The following MDGA2 variants were observed in gnomAD, a reference collection of about 807,000 sequenced individuals.
MDGA2 encodes the protein MAM domain containing glycosylphosphatidylinositol anchor 2.
In MDGA2, 40 loss-of-function variants were observed where a neutral mutation model predicts 117.8. The observed-to-expected ratio is 0.34, with a 90% CI of 0.26 to 0.44. The LOEUF (loss-of-function observed/expected upper bound fraction) is 0.44. Ranked by LOEUF, MDGA2 falls within the 20% of genes least tolerant of loss-of-function variation. The pLI, the probability that MDGA2 is intolerant of heterozygous loss-of-function variation, is 1.00. For synonymous variants in MDGA2, 452 were observed against 439.0 expected (o/e 1.03, Z -0.37); for missense variants, 1,123 against 1,250.6 (o/e 0.90, Z 1.54).
chr14:47,239,755 C>T (rs1391005013), intron 2 of MDGA2, among the ~76,000 whole-genome samples: 1 of 151,876 alleles, frequency 6.6e-6, no homozygotes, highest in Non-Finnish European at 1.5e-5. Context: ...TGAAAAGACA[C>T]TATTTTAATA....
At chr14:47,382,491 C>G (rs901476406) in intron 1 of MDGA2, among the ~76,000 whole-genome samples, 4 of 152,256 alleles carry the variant, frequency 2.6e-5, no homozygotes, top group Admixed American at 2.0e-4. Flanking sequence ...CTACAAATGA[C>G]TTAAACAAAT....
intron 1 of MDGA2, among the ~76,000 whole-genome samples, chr14:47,373,573 G>A (rs1441447266): frequency 1.3e-5 from 2 of 152,032 alleles, no homozygotes; most frequent in Non-Finnish European, 2.9e-5. Flanking sequence ...CATAGTATAT[G>A]GTTACGTTCA....
At chr14:47,185,692 T>G (rs1884884521) in intron 3 of MDGA2, among the ~76,000 whole-genome samples, 1 of 151,636 alleles carries the variant, frequency 6.6e-6, no homozygotes, top group South Asian at 2.1e-4. Flanking sequence ...ATAAAACTGG[T>G]TAACACCAAA....
At chr14:47,172,458 C>T (rs933419076) in intron 3 of MDGA2, among the ~76,000 whole-genome samples, 27 of 151,992 alleles carry the variant, frequency 1.8e-4, no homozygotes, top group Non-Finnish European at 2.9e-4. Flanking sequence ...AAACTTCCAG[C>T]GGAACGATCA....
intron 1 of MDGA2, among the ~76,000 whole-genome samples, chr14:47,414,530 A>G: frequency 6.6e-6 from 1 of 152,194 alleles, no homozygotes. Context: ...ATAGATAGAT[A>G]AGAAAAGGGA....
chr14:47,021,389 T>G (rs1888280608), intron 8 of MDGA2, among the ~76,000 whole-genome samples: 1 of 152,168 alleles, frequency 6.6e-6, no homozygotes, highest in African/African-American at 2.4e-5. Context: ...AAATTTTAAT[T>G]CATCGGGCAC....
chr14:47,318,878 C>A (rs982054447), intron 1 of MDGA2, among the ~76,000 whole-genome samples: 1 of 152,022 alleles, frequency 6.6e-6, no homozygotes, highest in Non-Finnish European at 1.5e-5. Context: ...AACACTAACT[C>A]TAATTTTACA....
At chr14:47,083,471 GGAA>G (rs35203756) in intron 6 of MDGA2, among the ~76,000 whole-genome samples, 50,069 of 151,480 alleles carry the variant, frequency 0.33, 8,795 homozygotes, top group East Asian at 0.52. Flanking sequence ...CTATATTCTA[GGAA>G]GAAGAAGTTC....
At chr14:47,464,277 C>G (rs373639830) in intron 1 of MDGA2, among the ~76,000 whole-genome samples, 1 of 151,948 alleles carries the variant, frequency 6.6e-6, no homozygotes, top group Non-Finnish European at 1.5e-5. Context: ...AATTCTCTTT[C>G]TCACAAGTAT....
chr14:46,885,738 C>T (rs1053197412), intron 10 of MDGA2, among the ~76,000 whole-genome samples: 3 of 146,530 alleles, frequency 2.0e-5, no homozygotes, highest in African/African-American at 4.9e-5. Context: ...GAAAATGACT[C>T]ATGACTCAGC....
intron 7 of MDGA2, among the ~76,000 whole-genome samples, chr14:47,044,643 C>T (rs1889192706): frequency 2.6e-5 from 4 of 152,048 alleles, no homozygotes; most frequent in Admixed American, 2.6e-4. Flanking sequence ...TGCCTTTTTT[C>T]ACACTGACAC....
At chr14:47,557,711 A>G (rs1400800203) in intron 1 of MDGA2, among the ~76,000 whole-genome samples, 1 of 152,210 alleles carries the variant, frequency 6.6e-6, no homozygotes, top group Non-Finnish European at 1.5e-5. Flanking sequence ...ATCATGTTCT[A>G]CGTCAGGCAC....
At chr14:47,238,989 T>A (rs1203538210) in intron 2 of MDGA2, among the ~76,000 whole-genome samples, 1 of 151,752 alleles carries the variant, frequency 6.6e-6, no homozygotes, top group Non-Finnish European at 1.5e-5. Context: ...TGATCGGCTC[T>A]GCAAGAATCT....
chr14:47,344,831 CTT>C (rs1254332107), intron 1 of MDGA2, among the ~76,000 whole-genome samples: 1 of 151,472 alleles, frequency 6.6e-6, no homozygotes. Context: ...AAAATTGCAA[CTT>C]AATATGTGAC....
At chr14:47,375,006 T>C (rs1891445058) in intron 1 of MDGA2, among the ~76,000 whole-genome samples, 1 of 152,028 alleles carries the variant, frequency 6.6e-6, no homozygotes, top group Non-Finnish European at 1.5e-5. Flanking sequence ...TGAAGTCAAA[T>C]ATAGGGCTTA....
chr14:46,960,455 A>G (rs1002999501), intron 8 of MDGA2: 11 of 152,024 alleles, frequency 7.2e-5, no homozygotes, highest in Non-Finnish European at 5.9e-5. Flanking sequence ...CTGGGAAACC[A>G]AGAGCTCTTA....
intron 1 of MDGA2, chr14:47,626,362 T>TGTCC (rs1351730762): frequency 6.6e-6 from 1 of 152,606 alleles, no homozygotes; most frequent in Admixed American, 6.5e-5. Flanking sequence ...TTCTTCTTCC[T>TGTCC]GTCCGCTACA....
At chr14:47,381,532 T>C (rs1263702069) in intron 1 of MDGA2, among the ~76,000 whole-genome samples, 1 of 152,134 alleles carries the variant, frequency 6.6e-6, no homozygotes, top group African/African-American at 2.4e-5. Context: ...ACAAAATCAA[T>C]GTGCAAAAAT....
At chr14:47,034,366 G>A (rs1044727253) in intron 8 of MDGA2, among the ~76,000 whole-genome samples, 1 of 152,032 alleles carries the variant, frequency 6.6e-6, no homozygotes, top group African/African-American at 2.4e-5. Context: ...AGTTTAAAAT[G>A]TATCTTATTC....
Sources: gnomAD v4.1 joint callset for allele counts (sites outside exome capture counted in the v4.1 genomes callset) on GRCh38, gnomAD v4.1.1 for gene constraint, MANE v1.5 for transcripts, NCBI Gene and HGNC (gene_info 2026-07-23, HGNC 2026-07-21) for gene names.